The following NEDD4 variants were observed in gnomAD, a reference collection of about 807,000 sequenced individuals.
NEDD4 encodes the protein NEDD4 E3 ubiquitin protein ligase.
Under a neutral mutation model 144.9 loss-of-function variants are expected in NEDD4, and 99 were observed. That is an observed-to-expected ratio of 0.68 (90% CI 0.58 to 0.81). The LOEUF is 0.81. NEDD4 is among the 30% of genes least tolerant of loss of function. The pLI, the probability that NEDD4 is intolerant of heterozygous loss-of-function variation, is 0.00. For synonymous variants in NEDD4, 318 were observed against 350.6 expected, an observed-to-expected ratio of 0.91 and a Z score of 1.04; for missense variants, 985 against 1,065.9, an observed-to-expected ratio of 0.92 and a Z score of 1.06.
In NEDD4 at chr15:55,880,104, C is replaced by A. The variant is rs151336103; in HGVS notation, c.292-6096G>T. Among the ~76,000 whole-genome samples the A allele has an allele frequency of 2.6e-3, 403 of 152,140 alleles. 1 individual carries two copies. Among genetic ancestry groups the A allele is most frequent in the Non-Finnish European group, 4.3e-3 (291 of 68,000 alleles). On this transcript the variant is annotated intron_variant, in intron 5 of 28. Coordinates refer to ENST00000435532, the MANE Select transcript of NEDD4 (RefSeq NM_006154.4). ...GTCAGGAGTTCGAGACCAGCCTGAC[C>A]TACATGGTGAAACCCCATCTCTACT...
At position 55,846,958 on chromosome 15, in the gene NEDD4, AC is replaced by A. The variant is rs764677924; in HGVS notation, c.1608+10del. On this transcript the variant is annotated intron_variant, in intron 18 of 28. Transcript: ENST00000435532. The stretch of plus-strand genomic sequence containing the variant: ...GATGACTCTTAAGTATTTATTATAA[AC>A]ATGACTAACCTGCTTCTTCAACTTT... The A allele has an allele frequency of 6.4e-7, 1 of 1,556,460 alleles. No homozygotes were observed.
At chr15:55,968,454 GA>G (rs1420091177) in intron 1 of NEDD4, among the ~76,000 whole-genome samples, 9 of 151,808 alleles carry the variant, frequency 5.9e-5, no homozygotes, top group Non-Finnish European at 2.9e-5. Flanking sequence ...AAAACAAGGG[GA>G]TATTTTAGAT....
rs747608721 is a variant in NEDD4, at chr15:55,916,762, C to T, written c.291+7884G>A. On this transcript the variant is annotated intron_variant, in intron 5 of 28. Coordinates refer to ENST00000435532, the MANE Select transcript of NEDD4 (RefSeq NM_006154.4). The stretch of plus-strand genomic sequence containing the variant: ...TGAACATGGCTATCCAAGTCATCTC[C>T]GGAGGTTTCTGACAAAGGGTAAGTA... 51 of 1,613,826 alleles carry T rather than the reference C, an allele frequency of 3.2e-5. No homozygotes were observed. In the South Asian group the frequency reaches 5.1e-4, roughly 16 times the overall value.
At position 55,882,624 on chromosome 15, in the gene NEDD4, C is replaced by T. The variant is rs2035234764; in HGVS notation, c.292-8616G>A. ...AAGGACTGCAATTCCTAGTTAAGTC[C>T]TAGTTCGTACTGGGCTTGGATTGGA... On this transcript the variant is annotated intron_variant, in intron 5 of 28. Transcript: ENST00000435532. 3.3e-5 allele frequency among the ~76,000 whole-genome samples: 5 copies of T among 152,208 alleles called. No homozygotes were observed. The South Asian group carries it at 1.0e-3, about 32-fold the overall frequency.
At chr15:55,849,835 C>T (rs1282290415) in intron 14 of NEDD4, among the ~76,000 whole-genome samples, 1 of 151,220 alleles carries the variant, frequency 6.6e-6, no homozygotes, top group Non-Finnish European at 1.5e-5. Flanking sequence ...CTCTGTTGCC[C>T]AGGCTGGAGT....
chr15:55,869,144 A>G (rs2034686672), intron 8 of NEDD4, among the ~76,000 whole-genome samples: 1 of 152,174 alleles, frequency 6.6e-6, no homozygotes, highest in African/African-American at 2.4e-5. Flanking sequence ...TAGATCACTT[A>G]AATTTTCCTT....
At chr15:55,898,501 A>G (rs561783720) in intron 5 of NEDD4, among the ~76,000 whole-genome samples, 6 of 152,136 alleles carry the variant, frequency 3.9e-5, no homozygotes, top group African/African-American at 9.7e-5. Context: ...TGCTTACAAT[A>G]ATTTCAACAC....
At chr15:55,837,443 AAAAAAG>A (rs1247438236) in intron 24 of NEDD4, among the ~76,000 whole-genome samples, 1 of 151,958 alleles carries the variant, frequency 6.6e-6, no homozygotes, top group Non-Finnish European at 1.5e-5. Context: ...AAAAAAAAAA[AAAAAAG>A]AAGAAAGTAA....
At position 55,840,463 on chromosome 15, in the gene NEDD4, T is replaced by C. The variant is rs1472308001; in HGVS notation, c.2015A>G (p.His672Arg). Reference protein sequence around the residue: ...KMMLHKPITLHDMESVDSEYY... With the variant: ...KMMLHKPITLRDMESVDSEYY... ...AAGACATACCACAGATTCCATATCA[T>C]GAAGGGTTATTGGTTTGTGAAGCAT... Residue 672 changes from histidine (H) to arginine (R), a missense_variant, in exon 21 of 29, where the codon CAT (histidine) becomes CGT (arginine). Transcript: ENST00000435532. 2 of 1,613,646 alleles carry C rather than the reference T, an allele frequency of 1.2e-6. No individual in the cohort carries two copies. Among genetic ancestry groups the C allele is most frequent in the Admixed American group, 1.7e-5 (1 of 59,974 alleles).
Position 55,838,585 on chromosome 15 carries a change from G to A in NEDD4, c.2051C>T (p.Ser684Phe). ...MESVDSEYYN[S>F]LRWILENDPT... is the part of the protein sequence containing the mutation. ...GTCATTTTCAAGAATCCATCTTAGG[G>A]AATTGTAATATTCACTATCCTAGAT... Residue 684 changes from serine to phenylalanine, a missense_variant, in exon 22 of 29, where the codon TCC becomes TTC. Transcript: ENST00000435532. The A allele has an allele frequency of 6.2e-7, 1 of 1,610,964 alleles. No individual in the cohort carries two copies. Among genetic ancestry groups the A allele is most frequent in the Non-Finnish European group, 8.5e-7 (1 of 1,177,920 alleles).
intron 5 of NEDD4, chr15:55,915,739 C>CA (rs1566949493): frequency 2.5e-6 from 4 of 1,613,930 alleles, no homozygotes; most frequent in East Asian, 4.5e-5. Flanking sequence ...TTTTCACAGA[C>CA]AGTCTGTCTG....
intron 18 of NEDD4, among the ~76,000 whole-genome samples, chr15:55,845,781 T>C (rs2141995813): frequency 7.3e-6 from 1 of 137,028 alleles, no homozygotes; most frequent in Non-Finnish European, 1.5e-5. Context: ...CACAAAGTTA[T>C]TCTTTTTTTC....
chr15:55,830,579 A>C lies in NEDD4; in HGVS notation c.2535T>G (p.Asn845Lys), dbSNP rs1165367969. The part of the protein sequence containing the change: ...MNGFAELYGS[N>K]GPQSFTVEQW... ...GTTCAACTGTAAATGACTGTGGTCCATTTGAACCTATAAGGAAGAATTTAT... is the reference window on the plus strand; with the variant it reads ...GTTCAACTGTAAATGACTGTGGTCCCTTTGAACCTATAAGGAAGAATTTAT... The change falls in exon 28 of 29, where the codon AAT (asparagine) becomes AAG (lysine). Residue 845 changes from asparagine to lysine, a missense_variant. Asn to Lys is a moderately conservative substitution (Grantham distance 94, BLOSUM62 0). Transcript: ENST00000435532. The C allele has an allele frequency of 6.2e-7, 1 of 1,614,022 alleles. No individual in the cohort carries two copies. Among genetic ancestry groups the C allele is most frequent in the South Asian group, 1.1e-5 (1 of 91,076 alleles).
At chr15:55,990,893 A>T (rs1466151053) in intron 1 of NEDD4, among the ~76,000 whole-genome samples, 1 of 152,232 alleles carries the variant, frequency 6.6e-6, no homozygotes, top group Admixed American at 6.5e-5. Context: ...TTTGTTTGTT[A>T]ACACTTTAAA....
chr15:55,986,008 A>G (rs1236254948), intron 1 of NEDD4, among the ~76,000 whole-genome samples: 1 of 152,224 alleles, frequency 6.6e-6, no homozygotes, highest in Non-Finnish European at 1.5e-5. Flanking sequence ...TGTTACGAAG[A>G]CCTAGGAACC....
intron 5 of NEDD4, among the ~76,000 whole-genome samples, chr15:55,917,423 T>G (rs1043862403): frequency 8.6e-5 from 13 of 152,014 alleles, no homozygotes; most frequent in African/African-American, 3.1e-4. Flanking sequence ...ATAGTAGCCA[T>G]ACTAGGAATC....
At chr15:55,841,721 G>A (rs967250217) in intron 19 of NEDD4, among the ~76,000 whole-genome samples, 8 of 152,066 alleles carry the variant, frequency 5.3e-5, no homozygotes, top group African/African-American at 7.2e-5. Flanking sequence ...ACAGGCGCCC[G>A]CCACCACGCC....
At chr15:55,954,074 T>A (rs2037294013) in intron 2 of NEDD4, among the ~76,000 whole-genome samples, 1 of 152,242 alleles carries the variant, frequency 6.6e-6, no homozygotes, top group Non-Finnish European at 1.5e-5. Flanking sequence ...GGTTTCTGTC[T>A]CTTCCCTTTA....
chr15:55,915,655 T>C, intron 5 of NEDD4: 1 of 1,613,900 alleles, frequency 6.2e-7, no homozygotes, highest in Non-Finnish European at 8.5e-7. Context: ...TCACCATTTG[T>C]TGTTTCACAG....
Sources: allele counts gnomAD v4.1 joint callset (sites outside exome capture counted in the v4.1 genomes callset), GRCh38; gene constraint gnomAD v4.1.1; transcripts MANE v1.5; gene names NCBI Gene and HGNC (gene_info 2026-07-23, HGNC 2026-07-21).